SMTN: variants seen among roughly 807,000 people sequenced by gnomAD.
SMTN encodes smoothelin.
SMTN carries 58 observed loss-of-function variants against 102.0 expected under a neutral mutation model. The observed-to-expected ratio is 0.57, with a 90% confidence interval of 0.46 to 0.71. The LOEUF (loss-of-function observed/expected upper bound fraction) is 0.71, where lower values mean the gene tolerates loss of function less well. Ranked by LOEUF, SMTN falls within the 30% of genes least tolerant of loss-of-function variation. The pLI is 0.00. For synonymous variants in SMTN, 478 were observed against 497.9 expected (o/e 0.96, Z 0.53); for missense variants, 1,185 against 1,241.7 (o/e 0.95, Z 0.69).
chr22:31,091,027 A>G lies in SMTN; in HGVS notation c.1004A>G (p.His335Arg). 1.2e-6 allele frequency: 2 copies of G among 1,613,876 alleles called. No homozygotes were observed. The highest frequency in any genetic ancestry group is 1.7e-6 in the Non-Finnish European group (2 of 1,179,932). The change falls in exon 10 of 21, where the codon CAC (histidine) becomes CGC (arginine). Residue 335 changes from histidine (H) to arginine (R), a missense_variant. By Grantham distance (29) the His-to-Arg change is conservative. Transcript: ENST00000333137. ...GCTGGCTCTGTGCGGGATCGTGTCC[A>G]CAAGTTCACATCTGATTCTCCTATG... ...QRAGSVRDRVHKFTSDSPMAA... is the reference protein window; with the variant it reads ...QRAGSVRDRVRKFTSDSPMAA...
chr22:31,079,695 T>C (rs145579085), upstream of SMTN, among the ~76,000 whole-genome samples: 3 of 152,240 alleles, frequency 2.0e-5, no homozygotes, highest in African/African-American at 7.2e-5. Context: ...AAATATGTCC[T>C]CCGAAGTGAG....
intron 17 of SMTN, 57 bp downstream of exon 17, chr22:31,098,897 G>T: frequency 1.4e-6 from 2 of 1,464,716 alleles, no homozygotes; most frequent in East Asian, 2.3e-5. Context: ...GCAGTGGGGG[G>T]CGGGGCTTGA....
chr22:31,093,700 G>T, intron 11 of SMTN: 3 of 1,020,428 alleles, frequency 2.9e-6, no homozygotes, highest in Non-Finnish European at 4.7e-6. Flanking sequence ...ACGGCTGGGG[G>T]TCCCACTTGT....
At chr22:31,073,871 C>A (rs1418623984) in intron 1 of SMTN, among the ~76,000 whole-genome samples, 1 of 152,208 alleles carries the variant, frequency 6.6e-6, no homozygotes, top group Non-Finnish European at 1.5e-5. Flanking sequence ...ACTCATGTAT[C>A]TGTGGTCAGC....
chr22:31,080,295 G>A (rs1226114591), upstream of SMTN, among the ~76,000 whole-genome samples: 1 of 152,228 alleles, frequency 6.6e-6, no homozygotes, highest in Non-Finnish European at 1.5e-5. Context: ...CTCAGAAGGT[G>A]CTGGGTATGA....
rs139489393 is a variant in SMTN at position 31,097,045 on chromosome 22, G to A, written c.2074G>A (p.Val692Met). The A allele has an allele frequency of 2.5e-5, 41 of 1,614,000 alleles. No homozygotes were observed. In the African/African-American group the frequency reaches 3.7e-4, roughly 15 times the overall value. ...CACCACCACAGTGGAGTCGAGTTTC[G>A]TGAGGCGCTCGGAGAGTAAGGCCAC... Reference protein sequence around the residue: ...ARTTTVESSFVRRSENGSGST... With the variant: ...ARTTTVESSFMRRSENGSGST... The change falls in exon 15 of 21, where the codon GTG (valine) becomes ATG (methionine). Residue 692 changes from valine to methionine, a missense_variant. By Grantham distance (21) the Val-to-Met change is conservative. Coordinates refer to ENST00000333137, the MANE Select transcript of SMTN (RefSeq NM_134269.3).
chr22:31,101,045 C>T lies in SMTN; in HGVS notation c.*16C>T. On this transcript the variant is annotated 3_prime_UTR_variant, in exon 20 of 21. Transcript: ENST00000333137. ...AAAGTCCTAACCCCTGCTCGGGGCC[C>T]CACGGTGAGAAACGCCGCCTCTACC... 7 of 1,596,824 alleles carry T rather than the reference C, an allele frequency of 4.4e-6. No homozygotes were observed. The Admixed American group carries it at 8.5e-5, about 19-fold the overall frequency.
rs775612654 is a variant in SMTN at position 31,085,284 on chromosome 22, G to A, written c.51+1975G>A. The A allele has an allele frequency of 3.3e-6, 5 of 1,501,232 alleles. No individual in the cohort carries two copies. The South Asian group carries it at 3.7e-5, about 11-fold the overall frequency. 93.0% of individuals were successfully genotyped at this position (1,501,232 alleles called of 1,614,324 possible). A position where few individuals can be genotyped will look rare whatever the true frequency, so the allele number is the denominator to read the frequency against. ...TGGCTACCCCTTCGGCGCCTAGCGC[G>A]AGGCAGGGTGGGCGAGGCGAGGGCG... is the stretch of plus-strand genomic sequence containing the variant. On this transcript the variant is annotated intron_variant, in intron 2 of 20. Coordinates refer to ENST00000333137, the MANE Select transcript of SMTN (RefSeq NM_134269.3).
intron 18 of SMTN, chr22:31,099,500 A>G: frequency 5.1e-6 from 3 of 586,624 alleles, no homozygotes; most frequent in Non-Finnish European, 9.1e-6. Context: ...AGGAGTGATG[A>G]GGCATGACCA....
At chr22:31,100,670 C>T (rs116778747) in intron 19 of SMTN, among the ~76,000 whole-genome samples, 4,873 of 152,232 alleles carry the variant, frequency 0.032, 230 homozygotes, top group African/African-American at 0.1. Context: ...GGGTAGTGAG[C>T]GGCACGTCCA....
chr22:31,084,992 C>A, intron 2 of SMTN: 1 of 1,477,140 alleles, frequency 6.8e-7, no homozygotes. Context: ...CCGCCCTGCG[C>A]CCCAGCGTCT....
chr22:31,080,412 T>G (rs2042246590), upstream of SMTN: 1 of 152,236 alleles, frequency 6.6e-6, no homozygotes, highest in East Asian at 1.9e-4. Context: ...ACATGGCAAG[T>G]ACAAAATAAA....
chr22:31,074,897 G>C (rs1205627055), intron 1 of SMTN, among the ~76,000 whole-genome samples: 1 of 152,194 alleles, frequency 6.6e-6, no homozygotes, highest in Non-Finnish European at 1.5e-5. Context: ...CTGAGGGAAT[G>C]CACCGTGGAA....
chr22:31,071,141 G>A (rs1204832370), intron 1 of SMTN, among the ~76,000 whole-genome samples: 1 of 151,824 alleles, frequency 6.6e-6, no homozygotes, highest in African/African-American at 2.4e-5. Context: ...TTTGGTGGCT[G>A]AGGCAGGAGG....
In SMTN at chr22:31,095,625, C is replaced by T. The variant is rs371719745; in HGVS notation, c.1861+16C>T. ...AGGAAGAGAGGTAGAGAGCCAGTTG[C>T]CCTACCCTAGATCCAGCTGCCCCAT... is the stretch of plus-strand genomic sequence containing the variant. On this transcript the variant is annotated intron_variant, in intron 13 of 20. Transcript: ENST00000333137. The surrounding 1 kb of genome is among the most constrained non-coding windows in gnomAD (Gnocchi z 4.1). 4.1e-5 allele frequency: 66 copies of T among 1,604,156 alleles called. No homozygotes were observed. In the African/African-American group the frequency reaches 7.9e-4, roughly 19 times the overall value.
upstream of SMTN, among the ~76,000 whole-genome samples, chr22:31,076,476 C>T (rs886469731): frequency 3.9e-5 from 6 of 152,236 alleles, no homozygotes; most frequent in African/African-American, 9.6e-5. Flanking sequence ...ATGACTTCCC[C>T]TCTCTGAGCC....
intron 18 of SMTN, 118 bp downstream of exon 18, chr22:31,099,297 A>G: frequency 1.5e-6 from 1 of 685,666 alleles, no homozygotes. Context: ...CCTCACAGGG[A>G]ACATGGAAAG....
At chr22:31,083,025 C>A in intron 1 of SMTN, 154 bp from the exon 2 acceptor site, 1 of 1,409,026 alleles carries the variant, frequency 7.1e-7, no homozygotes, top group South Asian at 1.2e-5. Flanking sequence ...GCAAACCACC[C>A]TAGGGCAGAG....
chr22:31,081,080 T>TC (rs2042273013), upstream of SMTN, among the ~76,000 whole-genome samples: 1 of 149,964 alleles, frequency 6.7e-6, no homozygotes, highest in Non-Finnish European at 1.5e-5. Context: ...AGAGCCTGCG[T>TC]CCCCCTGCCG....
Sources: allele counts gnomAD v4.1 joint callset (sites outside exome capture counted in the v4.1 genomes callset), GRCh38; gene constraint gnomAD v4.1.1; non-coding constraint Gnocchi (gnomAD v3.1); transcripts MANE v1.5; gene names NCBI Gene and HGNC (gene_info 2026-07-23, HGNC 2026-07-21).